Variants in TASOR2 observed in about 807,000 individuals in gnomAD.
TASOR2 encodes the protein transcription activation suppressor family member 2, also known as protein TASOR 2.
TASOR2 carries 84 observed loss-of-function variants against 199.5 expected under a neutral mutation model. That is an observed-to-expected ratio of 0.42 (90% CI 0.35 to 0.50). The LOEUF (loss-of-function observed/expected upper bound fraction) is 0.50. TASOR2 is among the 20% of genes least tolerant of loss of function. TASOR2 has a pLI of 0.02. For missense variants in TASOR2, 2,796 were observed against 2,835.9 expected, an observed-to-expected ratio of 0.99 and a Z score of 0.32; for synonymous variants, 1,103 against 1,046.6, an observed-to-expected ratio of 1.05 and a Z score of -1.04.
exon 15 of TASOR2, chr10:5,747,439 G>A: frequency 1.2e-6 from 2 of 1,613,882 alleles, no homozygotes; most frequent in Non-Finnish European, 8.5e-7. Context: ...AGTGAGTTCT[G>A]CTGACAATGT....
At chr10:5,721,413 TGTGAA>T (rs1430482774) in intron 6 of TASOR2, among the ~76,000 whole-genome samples, 2 of 152,226 alleles carry the variant, frequency 1.3e-5, no homozygotes, top group Non-Finnish European at 2.9e-5. Flanking sequence ...CCTGGGGAAC[TGTGAA>T]GAACATCTTA....
intron 11 of TASOR2, among the ~76,000 whole-genome samples, chr10:5,734,522 G>C (rs1308949457): frequency 6.6e-6 from 1 of 152,088 alleles, no homozygotes; most frequent in Non-Finnish European, 1.5e-5. Flanking sequence ...AAGTAGTAAC[G>C]TAAAATATAT....
intron 1 of TASOR2, among the ~76,000 whole-genome samples, chr10:5,686,913 G>A (rs1249371548): frequency 1.3e-5 from 2 of 151,792 alleles, no homozygotes; most frequent in African/African-American, 4.8e-5. Flanking sequence ...AAAGAGCTTT[G>A]GGTTTTTCTT....
rs1294140925 is a variant in TASOR2, at chr10:5,711,129, G to A, written c.-287-1694G>A. Among the ~76,000 whole-genome samples the A allele has an allele frequency of 5.3e-5, 8 of 152,004 alleles. No homozygotes were observed. The South Asian group carries it at 8.3e-4, about 16-fold the overall frequency. The stretch of plus-strand genomic sequence containing the variant: ...CATGTATATCAACTTCAGAATATTC[G>A]TAAACATTTCATTCTTTTCTATTTA... On this transcript the variant is annotated intron_variant, in intron 1 of 20. Transcript: ENST00000328090.
intron 18 of TASOR2, chr10:5,761,062 G>A (rs537152343): frequency 4.2e-6 from 2 of 477,646 alleles, no homozygotes; most frequent in East Asian, 3.6e-5. Flanking sequence ...TTGGTCGTAG[G>A]TAGATGCATG....
chr10:5,745,981 G>T lies in TASOR2; in HGVS notation c.2758-198G>T, dbSNP rs533154560. Among the ~76,000 whole-genome samples the T allele has an allele frequency of 8.5e-5, 13 of 152,182 alleles. No homozygotes were observed. In the East Asian group the frequency reaches 1.9e-3, roughly 23 times the overall value. On this transcript the variant is annotated intron_variant, in intron 14 of 20. Coordinates refer to ENST00000328090, the Ensembl canonical transcript of TASOR2. ...TTTTAAAGAAAACAAATCCCACTGG[G>T]GGGTATTTTAAGTCTGCCTTTAAAA...
Position 5,742,293 on chromosome 10 carries a change from C to T in TASOR2, c.2524C>T (p.Leu842Phe). ...TGAGCTCCGTGAAATTGAGGAGTCCCTTGGTTTGGAAAAATGTTCTGCAGA... is the reference window on the plus strand; with the variant it reads ...TGAGCTCCGTGAAATTGAGGAGTCCTTTGGTTTGGAAAAATGTTCTGCAGA... Residue 842 changes from leucine to phenylalanine, a missense_variant, in exon 14 of 21, where the codon CTT becomes TTT. By Grantham distance (22) the Leu-to-Phe change is conservative (BLOSUM62 0). Transcript: ENST00000328090. The surrounding 1 kb of genome is among the most constrained non-coding windows in gnomAD (Gnocchi z 4.2). The T allele has an allele frequency of 6.2e-7, 1 of 1,614,128 alleles. No individual in the cohort carries two copies. The highest frequency in any genetic ancestry group is 8.5e-7 in the Non-Finnish European group (1 of 1,180,006).
chr10:5,748,826 G>A lies in TASOR2; in HGVS notation c.5405G>A (p.Arg1802Lys). The change falls in exon 15 of 21, where the codon AGG becomes AAG. Residue 1802 changes from arginine (R) to lysine (K), a missense_variant. By Grantham distance (26) the Arg-to-Lys change is conservative (BLOSUM62 2). Transcript: ENST00000328090. The surrounding 1 kb of genome is among the most constrained non-coding windows in gnomAD (Gnocchi z 5.1). ...ATTGAGAACAGTGGGGAGGGGCTCA[G>A]GGCTGAGGCTGGTTCTGAAACCCTA... 6.2e-7 allele frequency: 1 copy of A among 1,614,176 alleles called. No homozygotes were observed. The highest frequency in any genetic ancestry group is 8.5e-7 in the Non-Finnish European group (1 of 1,180,038).
At chr10:5,762,447 T>G in intron 19 of TASOR2, 85 bp from the exon 21 acceptor site, 8 of 379,908 alleles carry the variant, frequency 2.1e-5, no homozygotes, top group African/African-American at 2.1e-5. Flanking sequence ...GTTCCACAGA[T>G]TTTTTAAAAT....
In TASOR2 at chr10:5,749,757, CAATG is replaced by C; in HGVS notation, c.6338_6341del (p.Asn2113SerfsTer8). 6 of 1,614,156 alleles carry C rather than the reference CAATG, an allele frequency of 3.7e-6. No homozygotes were observed. Among genetic ancestry groups the C allele is most frequent in the Non-Finnish European group, 5.1e-6 (6 of 1,180,006 alleles). On this transcript the variant is annotated frameshift_variant, in exon 15 of 21. Coordinates refer to ENST00000328090, the Ensembl canonical transcript of TASOR2. LOFTEE classifies it high-confidence loss of function. Reference sequence around the variant, plus strand: ...CTCGGAATGATATTTCACTTATTCTCAATGAGTATGCTGAATTCAACAAGGTGAT... The same window carrying C: ...CTCGGAATGATATTTCACTTATTCTCAGTATGCTGAATTCAACAAGGTGAT...
At position 5,750,100 on chromosome 10, in the gene TASOR2, A is replaced by T; in HGVS notation, c.6606+73A>T. 2 of 1,441,740 alleles carry T rather than the reference A, an allele frequency of 1.4e-6. No homozygotes were observed. The highest frequency in any genetic ancestry group is 1.8e-6 in the Non-Finnish European group (2 of 1,085,994). 89.3% of individuals were successfully genotyped at this position (1,441,740 alleles called of 1,614,324 possible). A position where few individuals can be genotyped will look rare whatever the true frequency, so the allele number is the denominator to read the frequency against. On this transcript the variant is annotated intron_variant, in intron 15 of 20. Transcript: ENST00000328090. The surrounding 1 kb of genome is among the most constrained non-coding windows in gnomAD (Gnocchi z 5.4). ...GTTTTAGAAATAATAAATTTAGCATATTAGCCATCAAAAAGAAATCATGGT... is the reference window on the plus strand; with the variant it reads ...GTTTTAGAAATAATAAATTTAGCATTTTAGCCATCAAAAAGAAATCATGGT...
At chr10:5,703,503 A>ATTTTTTTTTTTT (rs371366460) in intron 1 of TASOR2, among the ~76,000 whole-genome samples, 4 of 110,260 alleles carry the variant, frequency 3.6e-5, no homozygotes, top group Non-Finnish European at 5.2e-5. Context: ...GGTTTTTCTG[A>ATTTTTTTTTTTT]TTTTTTTTTT....
intron 2 of TASOR2, among the ~76,000 whole-genome samples, chr10:5,717,425 C>T (rs913491559): frequency 2.6e-5 from 4 of 152,170 alleles, no homozygotes; most frequent in African/African-American, 9.7e-5. Context: ...CTCTCTTCCA[C>T]TGTATCAGTT....
chr10:5,699,325 T>C lies in TASOR2; in HGVS notation c.-287-13498T>C, dbSNP rs1197267244. 2 of 151,920 alleles carry C rather than the reference T, an allele frequency of 1.3e-5. No homozygotes were observed. Among genetic ancestry groups the C allele is most frequent in the Admixed American group, 6.6e-5 (1 of 15,252 alleles). The allele number at this position is 151,920 out of a possible 1,614,324, so 9.4% of individuals were successfully genotyped here. On this transcript the variant is annotated intron_variant, in intron 1 of 20. Coordinates refer to ENST00000328090, the Ensembl canonical transcript of TASOR2. The surrounding 1 kb of genome is among the most constrained non-coding windows in gnomAD (Gnocchi z 4.1). ...ATGGTTTCCTAGGCCTAGGAACCAG[T>C]GAGGGGTGAGGAGGATAGCTAAGGG...
Position 5,706,711 on chromosome 10 carries a change from G to C in TASOR2, c.-287-6112G>C, listed in dbSNP as rs373001457. Among the ~76,000 whole-genome samples, 13 of 152,276 alleles carry C rather than the reference G, an allele frequency of 8.5e-5. No homozygotes were observed. In the South Asian group the frequency reaches 1.2e-3, roughly 15 times the overall value. ...AATGATTAATACATACAGTTAAGTA[G>C]TGAAACCTAGGCCTAGCACGGTGGC... On this transcript the variant is annotated intron_variant, in intron 1 of 20. Transcript: ENST00000328090. This position sits in a 1 kb window ranked among gnomAD's most constrained non-coding sequence, Gnocchi z 4.8.
At position 5,724,485 on chromosome 10, in the gene TASOR2, A is replaced by AG; in HGVS notation, c.307dup (p.Glu103GlyfsTer5). ...ATGAGGTAGAACTGTCAAACAGACA[A>AG]GGGGAAAATATAGATAAATTAACAG... is the stretch of plus-strand genomic sequence containing the variant. On this transcript the variant is annotated frameshift_variant, in exon 8 of 21. Coordinates refer to ENST00000328090, the Ensembl canonical transcript of TASOR2. LOFTEE classifies it high-confidence loss of function. 1.3e-6 allele frequency: 2 copies of AG among 1,534,376 alleles called. No individual in the cohort carries two copies. The highest frequency in any genetic ancestry group is 2.6e-5 in the South Asian group (2 of 77,576).
chr10:5,733,623 A>G (rs1013951998), intron 11 of TASOR2, among the ~76,000 whole-genome samples: 8 of 152,260 alleles, frequency 5.3e-5, no homozygotes, highest in African/African-American at 1.4e-4. Context: ...CAATCTATGC[A>G]GGATCACTTT....
chr10:5,721,914 A>G (rs547859595), intron 6 of TASOR2, among the ~76,000 whole-genome samples: 12 of 152,350 alleles, frequency 7.9e-5, no homozygotes, highest in African/African-American at 1.4e-4. Context: ...AAAATCGTCT[A>G]TATTTTTCAA....
At chr10:5,729,613 T>C (rs1486287487) in intron 10 of TASOR2, among the ~76,000 whole-genome samples, 1 of 152,242 alleles carries the variant, frequency 6.6e-6, no homozygotes, top group Non-Finnish European at 1.5e-5. Flanking sequence ...ATTTCCTTTT[T>C]CTAATAACTG....
Sources: gnomAD v4.1 joint callset for allele counts (sites outside exome capture counted in the v4.1 genomes callset) on GRCh38, gnomAD v4.1.1 for gene constraint, Gnocchi (gnomAD v3.1) non-coding constraint, MANE v1.5 for transcripts, NCBI Gene and HGNC (gene_info 2026-07-23, HGNC 2026-07-21) for gene names.